Variants in CCNY observed in about 807,000 individuals in gnomAD.
CCNY encodes the protein cyclin-Y.
Under a neutral mutation model 42.8 loss-of-function variants are expected in CCNY, and 19 were observed. That is an observed-to-expected ratio of 0.44 (90% CI 0.31 to 0.65). The LOEUF (loss-of-function observed/expected upper bound fraction) is 0.65, where lower values mean the gene tolerates loss of function less well. Among genes scored for constraint, CCNY ranks in the 30% least tolerant of loss-of-function variants. The probability of loss-of-function intolerance (pLI) is 0.07; values close to 1 mark genes in which losing one functional copy is unlikely to be tolerated. For synonymous variants in CCNY, 165 were observed against 162.7 expected, an observed-to-expected ratio of 1.01 and a Z score of -0.11; for missense variants, 370 against 437.3, an observed-to-expected ratio of 0.85 and a Z score of 1.37.
intron 3 of CCNY, among the ~76,000 whole-genome samples, chr10:35,310,808 C>A (rs2135085055): frequency 6.6e-6 from 1 of 152,256 alleles, no homozygotes; most frequent in South Asian, 2.1e-4. Flanking sequence ...TAGCTAACAT[C>A]TTAAGTTATA....
chr10:35,396,403 G>A (rs753413127), intron 1 of CCNY, among the ~76,000 whole-genome samples: 13 of 152,148 alleles, frequency 8.5e-5, no homozygotes, highest in African/African-American at 1.4e-4. Flanking sequence ...GGCAGGTGCC[G>A]CAAGAAGGTG....
intron 1 of CCNY, among the ~76,000 whole-genome samples, chr10:35,447,454 G>A (rs112269474): frequency 6.2e-4 from 94 of 152,318 alleles, no homozygotes; most frequent in Non-Finnish European, 1.0e-3. Context: ...AAACACCACT[G>A]TGGTCTTGAG....
chr10:35,522,562 T>C (rs547600070), intron 4 of CCNY, among the ~76,000 whole-genome samples: 13 of 151,698 alleles, frequency 8.6e-5, no homozygotes, highest in Admixed American at 7.9e-4. Flanking sequence ...CCACCCAAGA[T>C]AGATTGTATA....
intron 3 of CCNY, among the ~76,000 whole-genome samples, chr10:35,325,249 G>C (rs1010444829): frequency 1.3e-5 from 2 of 152,198 alleles, no homozygotes; most frequent in African/African-American, 4.8e-5. Flanking sequence ...CATGATCTCG[G>C]CTCACTGCAA....
At chr10:35,445,163 A>G (rs930220840) in intron 1 of CCNY, among the ~76,000 whole-genome samples, 1 of 152,178 alleles carries the variant, frequency 6.6e-6, no homozygotes, top group African/African-American at 2.4e-5. Flanking sequence ...GTCCCTTAAA[A>G]GGTAGATTTT....
chr10:35,258,488 G>C (rs1036563286), intron 3 of CCNY, among the ~76,000 whole-genome samples: 8 of 152,206 alleles, frequency 5.3e-5, no homozygotes, highest in African/African-American at 1.7e-4. Context: ...GGAGGGTCTT[G>C]CCACAATGAC....
intron 7 of CCNY, among the ~76,000 whole-genome samples, chr10:35,532,137 T>G (rs767171770): frequency 2.6e-5 from 4 of 152,358 alleles, no homozygotes; most frequent in Admixed American, 6.5e-5. Flanking sequence ...CATCCTCTGG[T>G]CTCTGCTGTC....
intron 1 of CCNY, among the ~76,000 whole-genome samples, chr10:35,361,302 T>C (rs930183228): frequency 1.3e-5 from 2 of 152,248 alleles, no homozygotes; most frequent in Admixed American, 6.5e-5. Flanking sequence ...TTTTTTTGTC[T>C]TATTATAAAA....
At chr10:35,505,399 T>G (rs1840195584) in intron 3 of CCNY, among the ~76,000 whole-genome samples, 1 of 150,238 alleles carries the variant, frequency 6.7e-6, no homozygotes, top group Non-Finnish European at 1.5e-5. Flanking sequence ...TGTAGTGTGA[T>G]CCTCAAAAAA....
intron 1 of CCNY, among the ~76,000 whole-genome samples, chr10:35,427,057 G>C (rs1838288276): frequency 6.6e-6 from 1 of 152,218 alleles, no homozygotes; most frequent in Non-Finnish European, 1.5e-5. Flanking sequence ...ATACAGAGGA[G>C]AACTGAAATC....
intron 3 of CCNY, among the ~76,000 whole-genome samples, chr10:35,502,868 C>G (rs1199072769): frequency 6.6e-6 from 1 of 152,108 alleles, no homozygotes; most frequent in African/African-American, 2.4e-5. Flanking sequence ...CTTTCCCACT[C>G]ATTACACTCA....
chr10:35,530,358 A>T lies in CCNY; in HGVS notation c.579+115A>T. The T allele has an allele frequency of 2.4e-6, 3 of 1,264,574 alleles. No homozygotes were observed. The highest frequency in any genetic ancestry group is 1.3e-5 in the South Asian group (1 of 76,650). 78.3% of individuals were successfully genotyped at this position (1,264,574 alleles called of 1,614,324 possible). The stretch of plus-strand genomic sequence containing the variant: ...GAATCCTCACCAGGTTACCCTGTGG[A>T]CACCGTGGCATAAGCTTCAGTGTTG... On this transcript the variant is annotated intron_variant, in intron 7 of 9. Coordinates refer to ENST00000374704, the MANE Select transcript of CCNY (RefSeq NM_145012.6). This position sits in a 1 kb window ranked among gnomAD's most constrained non-coding sequence, Gnocchi z 4.3.
At chr10:35,516,484 C>A in intron 3 of CCNY, 39 bp from the exon 4 acceptor site, 1 of 1,365,390 alleles carries the variant, frequency 7.3e-7, no homozygotes, top group Non-Finnish European at 1.0e-6. Context: ...ATTCTGAGCC[C>A]TGTGTAATTG....
intron 1 of CCNY, among the ~76,000 whole-genome samples, chr10:35,444,672 C>T (rs1453484954): frequency 6.6e-6 from 1 of 152,036 alleles, no homozygotes; most frequent in Non-Finnish European, 1.5e-5. Flanking sequence ...CCATCATAAG[C>T]TCAAGGGACT....
chr10:35,498,889 T>G (rs2135387862), intron 2 of CCNY, among the ~76,000 whole-genome samples: 1 of 152,314 alleles, frequency 6.6e-6, no homozygotes, highest in Admixed American at 6.5e-5. Context: ...GGGTAGTGTG[T>G]AGGTGTTCAT....
intron 1 of CCNY, among the ~76,000 whole-genome samples, chr10:35,369,105 C>G (rs1836873795): frequency 6.6e-6 from 1 of 152,190 alleles, no homozygotes; most frequent in South Asian, 2.1e-4. Context: ...GCCAAACATT[C>G]AAAAAGCAGT....
chr10:35,277,736 T>C (rs79883497), intron 3 of CCNY, among the ~76,000 whole-genome samples: 7 of 151,996 alleles, frequency 4.6e-5, no homozygotes, highest in Admixed American at 2.0e-4. Flanking sequence ...TTTTTTTTTT[T>C]CCAAAAGAGT....
intron 1 of CCNY, among the ~76,000 whole-genome samples, chr10:35,453,611 C>T (rs1271012827): frequency 6.6e-6 from 1 of 152,172 alleles, no homozygotes; most frequent in East Asian, 1.9e-4. Context: ...GCAAAAGCTG[C>T]TTATTGGATA....
intron 1 of CCNY, among the ~76,000 whole-genome samples, chr10:35,474,613 A>C (rs909103416): frequency 6.6e-6 from 1 of 152,174 alleles, no homozygotes; most frequent in Non-Finnish European, 1.5e-5. Context: ...AAACTAACAA[A>C]CAGAAAAGAC....
Sources: gnomAD v4.1 joint callset for allele counts (sites outside exome capture counted in the v4.1 genomes callset) on GRCh38, gnomAD v4.1.1 for gene constraint, Gnocchi (gnomAD v3.1) non-coding constraint, MANE v1.5 for transcripts, NCBI Gene and HGNC (gene_info 2026-07-23, HGNC 2026-07-21) for gene names.